Variants in TMX2 observed in about 807,000 individuals in gnomAD.
TMX2 encodes the protein thioredoxin-related transmembrane protein 2.
A neutral mutation model predicts 33.4 loss-of-function variants in TMX2; 20 were observed. The ratio of observed to expected loss-of-function variants is 0.60; its 90% CI spans 0.42 to 0.87. The LOEUF is 0.87. Among genes scored for constraint, TMX2 ranks in the 40% least tolerant of loss-of-function variants. TMX2 has a pLI of 0.00. For synonymous variants in TMX2, 166 were observed against 140.7 expected, an observed-to-expected ratio of 1.18 and a Z score of -1.27; for missense variants, 340 against 370.7, an observed-to-expected ratio of 0.92 and a Z score of 0.68.
rs1283216431 is a variant in TMX2, at chr11:57,737,912, G to A, written c.251-1G>A. 6.2e-7 allele frequency: 1 copy of A among 1,614,206 alleles called. No homozygotes were observed. The highest frequency in any genetic ancestry group is 8.5e-7 in the Non-Finnish European group (1 of 1,180,030). On this transcript the variant is annotated splice_acceptor_variant, in intron 2 of 7. Transcript: ENST00000278422. LOFTEE classifies it high-confidence loss of function. ...TGACCTGTGACATCTCTGTGTTTCA[G>A]TCACTGTGGAGCAACATATAGGCAA...
intron 1 of TMX2, among the ~76,000 whole-genome samples, chr11:57,728,166 ACT>A (rs1948121939): frequency 1.5e-5 from 2 of 133,878 alleles, no homozygotes; most frequent in Admixed American, 7.5e-5. Flanking sequence ...ACAGAGTTTC[ACT>A]CTTTTTTTTT....
chr11:57,737,743 A>C (rs745703117), intron 2 of TMX2, 75 bp downstream of exon 2: 1 of 1,567,780 alleles, frequency 6.4e-7, no homozygotes, highest in South Asian at 1.1e-5. Flanking sequence ...ATGTTAAGAG[A>C]GTGGCAATCA....
chr11:57,722,323 AAGG>A (rs1947689468), intron 1 of TMX2, among the ~76,000 whole-genome samples: 1 of 152,140 alleles, frequency 6.6e-6, no homozygotes, highest in South Asian at 2.1e-4. Context: ...ATTTTTTTAA[AAGG>A]AGAAGAAAAA....
intron 1 of TMX2, among the ~76,000 whole-genome samples, chr11:57,720,948 A>G (rs970122586): frequency 7.3e-5 from 11 of 151,688 alleles, no homozygotes; most frequent in African/African-American, 2.7e-4. Flanking sequence ...AATCTTGCCA[A>G]GGGAGTTTCT....
intron 1 of TMX2, among the ~76,000 whole-genome samples, chr11:57,724,187 A>T (rs1947824131): frequency 6.6e-6 from 1 of 152,158 alleles, no homozygotes; most frequent in Admixed American, 6.6e-5. Flanking sequence ...CTCATTACTG[A>T]ACAGTCACTG....
chr11:57,738,384 A>G lies in TMX2; in HGVS notation c.395A>G (p.Tyr132Cys), dbSNP rs200428565. ...VFLMTCKPPL[Y>C]MGPEYIKYFN... is the part of the protein sequence containing the mutation. The stretch of plus-strand genomic sequence containing the variant: ...CTGATGACGTGCAAACCCCCCCTAT[A>G]TATGGGCCCTGAGTATATCAAGTAC... The change falls in exon 4 of 8, where the codon TAT becomes TGT. Residue 132 changes from tyrosine to cysteine, a missense_variant. By Grantham distance (194) the Tyr-to-Cys change is radical. Around this residue, in one of 3 missense-constraint regions of TMX2, gnomAD observed 209 missense variants for 241.6 expected, o/e 0.87. Coordinates refer to ENST00000278422, the MANE Select transcript of TMX2 (RefSeq NM_015959.4). The G allele has an allele frequency of 6.9e-5, 111 of 1,610,690 alleles. No individual in the cohort carries two copies. The highest frequency in any genetic ancestry group is 8.8e-5 in the Non-Finnish European group (104 of 1,177,092).
At position 57,738,955 on chromosome 11, in the gene TMX2, A is replaced by T; in HGVS notation, c.549-19A>T. The T allele has an allele frequency of 6.2e-7, 1 of 1,610,088 alleles. No individual in the cohort carries two copies. The highest frequency in any genetic ancestry group is 8.5e-7 in the Non-Finnish European group (1 of 1,177,080). On this transcript the variant is annotated intron_variant, in intron 5 of 7. Coordinates refer to ENST00000278422, the MANE Select transcript of TMX2 (RefSeq NM_015959.4). Reference sequence around the variant, plus strand: ...TCCATTATTTTTTTTCAGCATATTAAATAATATATTCTTTTCAGATACAAC... The same window carrying T: ...TCCATTATTTTTTTTCAGCATATTATATAATATATTCTTTTCAGATACAAC...
At chr11:57,730,125 A>T (rs1948268259) in intron 1 of TMX2, among the ~76,000 whole-genome samples, 3 of 143,246 alleles carry the variant, frequency 2.1e-5, no homozygotes, top group South Asian at 4.4e-4. Context: ...AAAAATAATT[A>T]TATATATATA....
chr11:57,737,276 C>A (rs760603021), intron 1 of TMX2, among the ~76,000 whole-genome samples: 2 of 152,006 alleles, frequency 1.3e-5, no homozygotes, highest in African/African-American at 4.8e-5. Context: ...AAAAATTAGC[C>A]GGGTGTGGTG....
chr11:57,721,865 A>G (rs933507495), intron 1 of TMX2, among the ~76,000 whole-genome samples: 1 of 152,220 alleles, frequency 6.6e-6, no homozygotes, highest in African/African-American at 2.4e-5. Context: ...GCTGCTAATC[A>G]TAGACCTATT....
chr11:57,716,170 C>T (rs1029941928), intron 1 of TMX2, among the ~76,000 whole-genome samples: 8 of 151,652 alleles, frequency 5.3e-5, no homozygotes, highest in Non-Finnish European at 8.8e-5. Flanking sequence ...CGGGCAGAGG[C>T]GCCCCTCACC....
chr11:57,719,031 ATATTTT>A (rs1947378869), intron 1 of TMX2, among the ~76,000 whole-genome samples: 2 of 81,982 alleles, frequency 2.4e-5, no homozygotes, highest in African/African-American at 8.6e-5. Flanking sequence ...ATATATATAT[ATATTTT>A]TTTTTTTTTT....
chr11:57,719,627 C>A (rs1189881804), intron 1 of TMX2, among the ~76,000 whole-genome samples: 1 of 137,536 alleles, frequency 7.3e-6, no homozygotes, highest in Admixed American at 8.6e-5. Flanking sequence ...CTCAAGTATT[C>A]CACCTCAGCC....
At chr11:57,713,073 A>G (rs141593188) in intron 1 of TMX2, among the ~76,000 whole-genome samples, 18 of 152,336 alleles carry the variant, frequency 1.2e-4, no homozygotes, top group African/African-American at 4.1e-4. Context: ...CTGTTTCACC[A>G]TTGAGACTAA....
At chr11:57,732,685 A>T (rs1015055378) in intron 1 of TMX2, among the ~76,000 whole-genome samples, 12 of 152,118 alleles carry the variant, frequency 7.9e-5, no homozygotes, top group African/African-American at 2.2e-4. Flanking sequence ...GCTGATTGGG[A>T]CTAGGTTCTC....
At chr11:57,718,248 C>T in intron 1 of TMX2, 1 of 1,508,916 alleles carries the variant, frequency 6.6e-7, no homozygotes, top group South Asian at 1.1e-5. Context: ...GGACAAGGTG[C>T]CAGGACCTGT....
rs577158027 is a variant in TMX2, at chr11:57,739,238, C to T, written c.722C>T (p.Ala241Val). The T allele has an allele frequency of 4.3e-6, 7 of 1,613,994 alleles. No individual in the cohort carries two copies. Among genetic ancestry groups the T allele is most frequent in the Non-Finnish European group, 5.9e-6 (7 of 1,180,024 alleles). The change falls in exon 7 of 8, where the codon GCT (alanine) becomes GTT (valine). Residue 241 changes from alanine to valine, a missense_variant. Coordinates refer to ENST00000278422, the MANE Select transcript of TMX2 (RefSeq NM_015959.4). ...CCACAGATTGACAAGAAAGGACGGG[C>T]TGTCTCATGGACCTTCTCTGAGGTA... ...RRPQIDKKGR[A>V]VSWTFSEENV...
chr11:57,716,505 A>C (rs1947061140), intron 1 of TMX2, among the ~76,000 whole-genome samples: 1 of 112,042 alleles, frequency 8.9e-6, no homozygotes, highest in Admixed American at 9.4e-5. Flanking sequence ...CTCACTTCCC[A>C]GTAGGGGCGG....
chr11:57,718,297 C>T, intron 1 of TMX2: 1 of 1,520,410 alleles, frequency 6.6e-7, no homozygotes, highest in Non-Finnish European at 9.0e-7. Context: ...AATTTCTCCC[C>T]ATAGATGGAC....
Sources: gnomAD v4.1 joint callset for allele counts (sites outside exome capture counted in the v4.1 genomes callset) on GRCh38, gnomAD v4.1.1 for gene constraint, gnomAD v4.1.1 regional missense constraint, MANE v1.5 for transcripts, NCBI Gene and HGNC (gene_info 2026-07-23, HGNC 2026-07-21) for gene names.